The following HSD17B12 variants were observed in gnomAD, a reference collection of about 807,000 sequenced individuals.
The protein encoded by HSD17B12 is very-long-chain 3-oxoacyl-CoA reductase.
In HSD17B12, 32 loss-of-function variants were observed where a neutral mutation model predicts 39.3. The ratio of observed to expected loss-of-function variants is 0.81; its 90% CI spans 0.61 to 1.09. The LOEUF (loss-of-function observed/expected upper bound fraction) is 1.09. Among genes scored for constraint, HSD17B12 ranks in the 50% least tolerant of loss-of-function variants. HSD17B12 has a pLI of 0.00. For missense variants in HSD17B12, 342 were observed against 382.9 expected, an observed-to-expected ratio of 0.89 and a Z score of 0.89; for synonymous variants, 150 against 146.7, an observed-to-expected ratio of 1.02 and a Z score of -0.16.
the HSD17B12 span, among the ~76,000 whole-genome samples, chr11:43,662,934 CAG>C: frequency 2.0e-5 from 3 of 152,258 alleles, no homozygotes; most frequent in East Asian, 1.9e-4. Context: ...CATGATTAAA[CAG>C]AAAGAATAGA....
At chr11:43,592,963 A>G in the HSD17B12 span, among the ~76,000 whole-genome samples, 1 of 152,192 alleles carries the variant, frequency 6.6e-6, no homozygotes, top group Non-Finnish European at 1.5e-5. Context: ...GTATGTTACC[A>G]GCTAGGAAGT....
chr11:43,612,401 G>A, the HSD17B12 span, among the ~76,000 whole-genome samples: 595 of 152,284 alleles, frequency 3.9e-3, 4 homozygotes, highest in African/African-American at 0.014. Context: ...TGGGATCTGT[G>A]GGAAAGTCTG....
At chr11:43,618,426 T>C in the HSD17B12 span, among the ~76,000 whole-genome samples, 1,226 of 152,336 alleles carry the variant, frequency 8.0e-3, 4 homozygotes, top group Non-Finnish European at 0.014. Context: ...TTACGCCTTC[T>C]ATAAAAACAA....
the HSD17B12 span, among the ~76,000 whole-genome samples, chr11:43,574,784 G>A: frequency 6.6e-6 from 1 of 152,212 alleles, no homozygotes; most frequent in Non-Finnish European, 1.5e-5. Context: ...CCTGGTCTTT[G>A]AGAGGGAGAA....
chr11:43,618,126 A>G, the HSD17B12 span, among the ~76,000 whole-genome samples: 1 of 152,172 alleles, frequency 6.6e-6, no homozygotes, highest in African/African-American at 2.4e-5. Context: ...CAATTATTCT[A>G]TATAATTGTT....
At chr11:43,768,092 T>C (rs1299424182) in intron 3 of HSD17B12, among the ~76,000 whole-genome samples, 1 of 152,166 alleles carries the variant, frequency 6.6e-6, no homozygotes, top group Admixed American at 6.5e-5. Context: ...CTAACTGAGT[T>C]CTAATCTTTG....
At chr11:43,707,625 G>A (rs1169335594) in intron 1 of HSD17B12, among the ~76,000 whole-genome samples, 1 of 152,226 alleles carries the variant, frequency 6.6e-6, no homozygotes, top group African/African-American at 2.4e-5. Context: ...TAGAAGTGCA[G>A]AGGATGGGTC....
chr11:43,801,792 G>A (rs926946601), intron 4 of HSD17B12, among the ~76,000 whole-genome samples: 1 of 151,924 alleles, frequency 6.6e-6, no homozygotes, highest in Admixed American at 6.6e-5. Context: ...AGAGAAAACT[G>A]AAGAAAGAGC....
the HSD17B12 span, among the ~76,000 whole-genome samples, chr11:43,618,835 A>G: frequency 6.6e-6 from 1 of 152,152 alleles, no homozygotes; most frequent in Admixed American, 6.6e-5. Flanking sequence ...GGCCTGAAAT[A>G]CAACTTCTAA....
upstream of HSD17B12, among the ~76,000 whole-genome samples, chr11:43,676,235 GTA>G (rs1554958170): frequency 3.4e-5 from 5 of 149,010 alleles, no homozygotes; most frequent in African/African-American, 7.3e-5. Flanking sequence ...GTGTGTGTGT[GTA>G]TGTGTTAAGC....
chr11:43,777,721 C>G (rs1055834464), intron 3 of HSD17B12, among the ~76,000 whole-genome samples: 2 of 152,160 alleles, frequency 1.3e-5, no homozygotes, highest in African/African-American at 2.4e-5. Context: ...TTTGCCCATT[C>G]AGTATGATAT....
intron 9 of HSD17B12, among the ~76,000 whole-genome samples, chr11:43,850,955 G>A (rs1447881106): frequency 6.6e-6 from 1 of 152,208 alleles, no homozygotes; most frequent in Admixed American, 6.5e-5. Flanking sequence ...CAGCTACTCA[G>A]GAGGCTGAGG....
the HSD17B12 span, among the ~76,000 whole-genome samples, chr11:43,664,193 G>A: frequency 6.6e-6 from 1 of 152,190 alleles, no homozygotes; most frequent in Admixed American, 6.5e-5. Context: ...TACAGGCTAA[G>A]TCATAAATCA....
intron 3 of HSD17B12, among the ~76,000 whole-genome samples, chr11:43,775,137 G>A (rs1310077065): frequency 7.2e-5 from 11 of 152,288 alleles, no homozygotes; most frequent in Non-Finnish European, 8.8e-5. Context: ...GTCTCTAAGA[G>A]CAGAGGGCCC....
chr11:43,783,316 G>A (rs931177467), intron 3 of HSD17B12, among the ~76,000 whole-genome samples: 21 of 151,234 alleles, frequency 1.4e-4, no homozygotes. Flanking sequence ...ACTGCAGTAA[G>A]TACATACTAA....
At chr11:43,695,682 C>G (rs796675532) in intron 1 of HSD17B12, among the ~76,000 whole-genome samples, 12 of 150,396 alleles carry the variant, frequency 8.0e-5, no homozygotes, top group African/African-American at 2.9e-4. Flanking sequence ...TCTTCTTCTT[C>G]TTCTTCTTCT....
At chr11:43,686,532 T>A (rs1949800726) in intron 1 of HSD17B12, among the ~76,000 whole-genome samples, 2 of 151,464 alleles carry the variant, frequency 1.3e-5, no homozygotes, top group African/African-American at 4.9e-5. Flanking sequence ...ATCCTGAGTT[T>A]ACATTCCCTG....
At chr11:43,757,425 A>C (rs1950515947) in intron 3 of HSD17B12, among the ~76,000 whole-genome samples, 1 of 150,892 alleles carries the variant, frequency 6.6e-6, no homozygotes, top group African/African-American at 2.4e-5. Context: ...TGAGGTCAGG[A>C]GATCGAGACC....
chr11:43,650,970 T>C, the HSD17B12 span, among the ~76,000 whole-genome samples: 2 of 152,222 alleles, frequency 1.3e-5, no homozygotes, highest in African/African-American at 2.4e-5. Flanking sequence ...TAGGGTTCAG[T>C]ACTATCCTTG....
Sources: allele counts gnomAD v4.1 joint callset (sites outside exome capture counted in the v4.1 genomes callset), GRCh38; gene constraint gnomAD v4.1.1; transcripts MANE v1.5; gene names NCBI Gene and HGNC (gene_info 2026-07-23, HGNC 2026-07-21).